The following PKNOX1 variants were observed in gnomAD, a reference collection of about 807,000 sequenced individuals.
PKNOX1 encodes homeobox protein PKNOX1.
PKNOX1 carries 15 observed loss-of-function variants against 51.9 expected under a neutral mutation model. The ratio of observed to expected loss-of-function variants is 0.29; its 90% CI spans 0.19 to 0.45. PKNOX1 has a LOEUF of 0.45. Among genes scored for constraint, PKNOX1 ranks in the 20% least tolerant of loss-of-function variants. PKNOX1 has a pLI of 1.00. For missense variants in PKNOX1, 462 were observed against 547.5 expected (o/e 0.84, Z 1.56); for synonymous variants, 219 against 211.1 (o/e 1.04, Z -0.32).
intron 1 of PKNOX1, among the ~76,000 whole-genome samples, chr21:43,001,638 T>C (rs1978758947): frequency 6.6e-6 from 1 of 152,074 alleles, no homozygotes; most frequent in Admixed American, 6.6e-5. Context: ...TCTCATAAAG[T>C]CTTAAGGCTT....
intron 1 of PKNOX1, among the ~76,000 whole-genome samples, chr21:42,985,211 T>C (rs2059046085): frequency 1.3e-5 from 2 of 152,194 alleles, no homozygotes; most frequent in East Asian, 1.9e-4. Flanking sequence ...GATCTCGAAC[T>C]CCTCACCTCA....
At chr21:43,027,360 CT>C (rs1210334402) in intron 9 of PKNOX1, among the ~76,000 whole-genome samples, 1 of 152,134 alleles carries the variant, frequency 6.6e-6, no homozygotes, top group Non-Finnish European at 1.5e-5. Context: ...CATTTCAGCT[CT>C]TTTTGTAGCA....
At chr21:42,990,580 AG>A (rs2059081832) in intron 1 of PKNOX1, among the ~76,000 whole-genome samples, 1 of 152,188 alleles carries the variant, frequency 6.6e-6, no homozygotes, top group African/African-American at 2.4e-5. Flanking sequence ...ATGGAACTCT[AG>A]GGGAGGAAAG....
chr21:42,987,405 ATAT>A lies in PKNOX1; in HGVS notation c.-57+12742_-57+12744del, dbSNP rs1483095596. ...CTCAAAAAAAAAAAAAAAAAAAAAA[ATAT>A]ATATATATATATATATATATGTATA... On this transcript the variant is annotated intron_variant, in intron 1 of 10. Coordinates refer to ENST00000291547, the MANE Select transcript of PKNOX1 (RefSeq NM_004571.5). 2.7e-3 allele frequency among the ~76,000 whole-genome samples: 189 copies of A among 70,118 alleles called. 4 individuals carry two copies. Among genetic ancestry groups the A allele is most frequent in the African/African-American group, 8.7e-3 (172 of 19,660 alleles). 46.0% of individuals were successfully genotyped at this position (70,118 alleles called of 152,430 possible).
intron 10 of PKNOX1, 56 bp downstream of exon 10, chr21:43,028,930 C>T: frequency 6.4e-7 from 1 of 1,557,994 alleles, no homozygotes; most frequent in East Asian, 2.2e-5. Flanking sequence ...GGATTATGAA[C>T]AAGAGGCCTG....
At chr21:42,987,404 A>AAAAATATATATATATATATATATAT in intron 1 of PKNOX1, among the ~76,000 whole-genome samples, 1 of 41,402 alleles carries the variant, frequency 2.4e-5, no homozygotes, top group Non-Finnish European at 4.8e-5. Context: ...AAAAAAAAAA[A>AAAAATATATATATATATATATATAT]ATATATATAT....
chr21:43,020,051 A>G (rs1485111494), intron 7 of PKNOX1, among the ~76,000 whole-genome samples: 1 of 147,556 alleles, frequency 6.8e-6, no homozygotes, highest in Non-Finnish European at 1.5e-5. Context: ...TCCCACCTTC[A>G]CCTCCTGAGT....
rs1980384284 is a variant in PKNOX1 at position 43,033,898 on chromosome 21, G to A, written c.*3797G>A. On this transcript the variant is annotated 3_prime_UTR_variant, in exon 11 of 11. Coordinates refer to ENST00000291547, the MANE Select transcript of PKNOX1 (RefSeq NM_004571.5). ...GTTACAAGAAGATAATGATTCATCA[G>A]TAAGCTAACATAATCCCTTTCATAG... 6.6e-6 allele frequency: 1 copy of A among 152,178 alleles called. No homozygotes were observed. Among genetic ancestry groups the A allele is most frequent in the African/African-American group, 2.4e-5 (1 of 41,432 alleles). 9.4% of individuals were successfully genotyped at this position (152,178 alleles called of 1,614,324 possible). A position where few individuals can be genotyped will look rare whatever the true frequency, so the allele number is the denominator to read the frequency against.
intron 1 of PKNOX1, among the ~76,000 whole-genome samples, chr21:42,977,912 G>C (rs1852482530): frequency 6.6e-6 from 1 of 152,042 alleles, no homozygotes; most frequent in African/African-American, 2.4e-5. Flanking sequence ...CTTGGGCCTG[G>C]TTCTCGATTA....
rs1389219695 is a variant in PKNOX1 at position 43,021,155 on chromosome 21, A to G, written c.721-148A>G. The G allele has an allele frequency of 2.9e-5, 16 of 554,158 alleles. No homozygotes were observed. The highest frequency in any genetic ancestry group is 7.7e-5 in the African/African-American group (4 of 51,702). 34.3% of individuals were successfully genotyped at this position (554,158 alleles called of 1,614,324 possible). ...TGTGGAGGGAGCCGTGTCCTGAAAC[A>G]TCAGTCCACACAGGGTTCCCGTGCA... On this transcript the variant is annotated intron_variant, in intron 7 of 10. Transcript: ENST00000291547. The surrounding 1 kb of genome is among the most constrained non-coding windows in gnomAD (Gnocchi z 4.6).
intron 1 of PKNOX1, among the ~76,000 whole-genome samples, chr21:42,982,719 G>A (rs1345402245): frequency 9.9e-5 from 9 of 90,838 alleles, no homozygotes; most frequent in African/African-American, 4.2e-4. Context: ...CAACAAGAGC[G>A]AAACTCCATC....
chr21:43,031,373 G>A lies in PKNOX1; in HGVS notation c.*1272G>A, dbSNP rs1266843365. 1 of 152,404 alleles carries A rather than the reference G, an allele frequency of 6.6e-6. No homozygotes were observed. Among genetic ancestry groups the A allele is most frequent in the Non-Finnish European group, 1.5e-5 (1 of 68,054 alleles). 9.4% of individuals were successfully genotyped at this position (152,404 alleles called of 1,614,324 possible). Reference sequence around the variant, plus strand: ...GTTTGCGTTTGTGGCTGGTCTCCTGGTGTCAGTGTTCTCTTGTACGTTGTT... The same window carrying A: ...GTTTGCGTTTGTGGCTGGTCTCCTGATGTCAGTGTTCTCTTGTACGTTGTT... On this transcript the variant is annotated 3_prime_UTR_variant, in exon 11 of 11. Coordinates refer to ENST00000291547, the MANE Select transcript of PKNOX1 (RefSeq NM_004571.5).
chr21:43,026,281 A>G (rs912103830), intron 9 of PKNOX1, among the ~76,000 whole-genome samples: 2 of 152,230 alleles, frequency 1.3e-5, no homozygotes, highest in Non-Finnish European at 2.9e-5. Flanking sequence ...TAGTAATAAT[A>G]ACAGTTTAAT....
At chr21:43,002,935 C>G (rs1390246270) in intron 1 of PKNOX1, among the ~76,000 whole-genome samples, 3 of 152,022 alleles carry the variant, frequency 2.0e-5, no homozygotes. Context: ...CAGGCTGGTC[C>G]CAAACTCCTG....
At chr21:43,014,794 C>G (rs1327477837) in intron 5 of PKNOX1, among the ~76,000 whole-genome samples, 1 of 152,220 alleles carries the variant, frequency 6.6e-6, no homozygotes, top group Non-Finnish European at 1.5e-5. Flanking sequence ...CAAAGCTGGG[C>G]ACATTGTTTC....
intron 1 of PKNOX1, among the ~76,000 whole-genome samples, chr21:42,977,493 G>T (rs568645298): frequency 1.3e-5 from 2 of 148,752 alleles, no homozygotes; most frequent in Non-Finnish European, 3.0e-5. Context: ...TATGGGGACA[G>T]CTTCTTTCCT....
At chr21:43,023,898 G>A (rs1979875116) in intron 8 of PKNOX1, among the ~76,000 whole-genome samples, 1 of 151,620 alleles carries the variant, frequency 6.6e-6, no homozygotes, top group East Asian at 1.9e-4. Context: ...ACAGGCGTGA[G>A]CCACCACACC....
chr21:43,029,427 T>TTTTTTTG, intron 10 of PKNOX1, among the ~76,000 whole-genome samples: 1 of 4,836 alleles, frequency 2.1e-4, no homozygotes, highest in Non-Finnish European at 4.1e-4. Context: ...TTGCTTTGTT[T>TTTTTTTG]TTTTTTTTTT....
intron 1 of PKNOX1, among the ~76,000 whole-genome samples, chr21:42,977,343 T>G (rs1422452975): frequency 6.6e-6 from 1 of 152,114 alleles, no homozygotes; most frequent in Non-Finnish European, 1.5e-5. Flanking sequence ...GTCATCTCCT[T>G]CCAAAGGAAG....
Sources: gnomAD v4.1 joint callset for allele counts (sites outside exome capture counted in the v4.1 genomes callset) on GRCh38, gnomAD v4.1.1 for gene constraint, Gnocchi (gnomAD v3.1) non-coding constraint, MANE v1.5 for transcripts, NCBI Gene and HGNC (gene_info 2026-07-23, HGNC 2026-07-21) for gene names.